B4GALNT4: variants seen among roughly 807,000 people sequenced by gnomAD.
B4GALNT4 encodes the protein N-acetyl-beta-glucosaminyl-glycoprotein 4-beta-N-acetylgalactosaminyltransferase 1.
B4GALNT4 carries 77 observed loss-of-function variants against 110.0 expected under a neutral mutation model. The ratio of observed to expected loss-of-function variants is 0.70; its 90% CI spans 0.58 to 0.85. B4GALNT4 has a LOEUF of 0.85. Among genes scored for constraint, B4GALNT4 ranks in the 40% least tolerant of loss-of-function variants. B4GALNT4 has a pLI of 0.00. For synonymous variants in B4GALNT4, 785 were observed against 655.5 expected (o/e 1.20, Z -3.02); for missense variants, 1,575 against 1,506.0 (o/e 1.05, Z -0.76).
intron 8 of B4GALNT4, 44 bp from the exon 9 acceptor site, chr11:375,417 C>T (rs201897176): frequency 1.9e-6 from 3 of 1,604,430 alleles, no homozygotes; most frequent in Admixed American, 3.3e-5. Flanking sequence ...TCCCTGGACC[C>T]AGCCACCGCC....
At position 369,968 on chromosome 11, in the gene B4GALNT4, G is replaced by T; in HGVS notation, c.151+14G>T. ...GCTACGGGCGAGGTACGGCGCGGGGGGCGCGGGGGGCGCGGGGGGCGGGGG... is the reference window on the plus strand; with the variant it reads ...GCTACGGGCGAGGTACGGCGCGGGGTGCGCGGGGGGCGCGGGGGGCGGGGG... On this transcript the variant is annotated intron_variant, in intron 1 of 19. Transcript: ENST00000329962. 5.0e-6 allele frequency: 3 copies of T among 597,312 alleles called. No individual in the cohort carries two copies. Among genetic ancestry groups the T allele is most frequent in the Non-Finnish European group, 6.2e-6 (3 of 486,936 alleles). The allele number at this position is 597,312 out of a possible 1,614,324, so 37.0% of individuals were successfully genotyped here. A position where few individuals can be genotyped will look rare whatever the true frequency, so the allele number is the denominator to read the frequency against.
In B4GALNT4 at chr11:375,975, C is replaced by T. The variant is rs761559491; in HGVS notation, c.1095+19C>T. ...GCAATTTGTGAGTGCGGCTGGAGAC[C>T]CCGTCTCCCGTCCGGGACTCCGCGG... On this transcript the variant is annotated intron_variant, in intron 11 of 19. Transcript: ENST00000329962. 6 of 1,607,386 alleles carry T rather than the reference C, an allele frequency of 3.7e-6. No individual in the cohort carries two copies. Among genetic ancestry groups the T allele is most frequent in the Non-Finnish European group, 4.2e-6 (5 of 1,176,838 alleles).
rs1291522819 is a variant in B4GALNT4 at position 376,583 on chromosome 11, C to T, written c.1460C>T (p.Thr487Ile). The change falls in exon 14 of 20, where the codon ACC (threonine) becomes ATC (isoleucine). Residue 487 changes from threonine to isoleucine, a missense_variant. Coordinates refer to ENST00000329962, the MANE Select transcript of B4GALNT4 (RefSeq NM_178537.5). ...CCTCCCCGCCCCCGGGACGGGGGGA[C>T]CCCCAGGCACTCCCGGGCCCTGAGC... ...PTPPRPRDGG[T>I]PRHSRALSWA... 1.5e-6 allele frequency: 2 copies of T among 1,355,108 alleles called. No individual in the cohort carries two copies. Among genetic ancestry groups the T allele is most frequent in the East Asian group, 3.3e-5 (1 of 30,506 alleles). 83.9% of individuals were successfully genotyped at this position (1,355,108 alleles called of 1,614,324 possible).
chr11:380,460 G>GT lies in B4GALNT4; in HGVS notation c.2869+16dup, dbSNP rs773771806. On this transcript the variant is annotated intron_variant, in intron 18 of 19. Coordinates refer to ENST00000329962, the MANE Select transcript of B4GALNT4 (RefSeq NM_178537.5). ...GGACCCCCACGGTGAGGCCCCGAGC[G>GT]TCCCACCCTGTGATACCAGGGTTCC... 2 of 1,571,982 alleles carry GT rather than the reference G, an allele frequency of 1.3e-6. No individual in the cohort carries two copies. The highest frequency in any genetic ancestry group is 3.7e-5 in the Admixed American group (2 of 54,290).
In B4GALNT4 at chr11:381,942, T is replaced by A; in HGVS notation, c.*150T>A. On this transcript the variant is annotated 3_prime_UTR_variant, in exon 20 of 20. Transcript: ENST00000329962. ...CCCCTCTCTGGCCCACTGGGCGTCGTGCCCCTCCCCGGAGAGGCAGCCTTC... is the reference window on the plus strand; with the variant it reads ...CCCCTCTCTGGCCCACTGGGCGTCGAGCCCCTCCCCGGAGAGGCAGCCTTC... The A allele has an allele frequency of 2.1e-6, 2 of 969,150 alleles. No individual in the cohort carries two copies. Among genetic ancestry groups the A allele is most frequent in the Non-Finnish European group, 2.8e-6 (2 of 713,770 alleles). 60.0% of individuals were successfully genotyped at this position (969,150 alleles called of 1,614,324 possible).
rs569833363 is a variant in B4GALNT4 at position 373,470 on chromosome 11, C to A, written c.658C>A (p.Pro220Thr). The A allele has an allele frequency of 6.2e-7, 1 of 1,605,238 alleles. No individual in the cohort carries two copies. Among genetic ancestry groups the A allele is most frequent in the South Asian group, 1.1e-5 (1 of 90,834 alleles). Reference sequence around the variant, plus strand: ...CCAGACTGGCTCCGAGTGGACAGCGCCTGGAGAATTCACCAAGTTCAGCTC... The same window carrying A: ...CCAGACTGGCTCCGAGTGGACAGCGACTGGAGAATTCACCAAGTTCAGCTC... ...VGKTGSEWTA[P>T]GEFTKFSSQV... The change falls in exon 7 of 20, where the codon CCT (proline) becomes ACT (threonine). Residue 220 changes from proline (P) to threonine (T), a missense_variant. By Grantham distance (38) the Pro-to-Thr change is conservative (BLOSUM62 -1). Transcript: ENST00000329962.
Position 373,109 on chromosome 11 carries a change from G to C in B4GALNT4, c.528G>C (p.Ala176=). 1 of 1,612,628 alleles carries C rather than the reference G, an allele frequency of 6.2e-7. No homozygotes were observed. Among genetic ancestry groups the C allele is most frequent in the Non-Finnish European group, 8.5e-7 (1 of 1,179,896 alleles). ...GLRIFGFIHP[A]RDGDVQFSVA... ...GTATTTTTGGTTTCATCCACCCGGC[G>C]AGGGACGGTACGGGGGTGAGGGTGC... is the stretch of plus-strand genomic sequence containing the variant. The change falls in exon 5 of 20, where the codon GCG becomes GCC. Residue 176 remains alanine, a synonymous_variant. Transcript: ENST00000329962.
chr11:381,884 TG>T lies in B4GALNT4; in HGVS notation c.*94del. ...TCGGTCCCGAGAGACCCGGCAGGGCTGGTCAGAGGGGCACAGCCACCGCCTG... is the reference window on the plus strand; with the variant it reads ...TCGGTCCCGAGAGACCCGGCAGGGCTGTCAGAGGGGCACAGCCACCGCCTG... On this transcript the variant is annotated 3_prime_UTR_variant, in exon 20 of 20. Transcript: ENST00000329962. 2.2e-6 allele frequency: 3 copies of T among 1,382,040 alleles called. No homozygotes were observed. Among genetic ancestry groups the T allele is most frequent in the Non-Finnish European group, 2.8e-6 (3 of 1,058,236 alleles). The allele number at this position is 1,382,040 out of a possible 1,614,324, so 85.6% of individuals were successfully genotyped here.
At chr11:373,546 A>G (rs1380003163) in intron 7 of B4GALNT4, 30 bp downstream of exon 7, 3 of 1,607,456 alleles carry the variant, frequency 1.9e-6, no homozygotes, top group East Asian at 2.2e-5. Context: ...ATGTGCGTGC[A>G]CTTGTGTATT....
intron 14 of B4GALNT4, among the ~76,000 whole-genome samples, chr11:379,072 A>G (rs961881331): frequency 1.3e-5 from 2 of 152,218 alleles, no homozygotes; most frequent in African/African-American, 2.4e-5. Context: ...ACCTTGTCCT[A>G]TGGGCGGTGG....
At chr11:373,589 C>T (rs1210775501) in intron 7 of B4GALNT4, 73 bp downstream of exon 7, 4 of 1,553,142 alleles carry the variant, frequency 2.6e-6, no homozygotes, top group Non-Finnish European at 3.5e-6. Context: ...TCTCCTTATC[C>T]TGTGCACACT....
intron 14 of B4GALNT4, among the ~76,000 whole-genome samples, chr11:377,650 C>A (rs1038680195): frequency 6.6e-6 from 1 of 152,244 alleles, no homozygotes; most frequent in Non-Finnish European, 1.5e-5. Context: ...CTGCAGAGAT[C>A]AGCGTCAGTC....
At chr11:380,248 G>T in intron 17 of B4GALNT4, 44 bp from the exon 18 acceptor site, 2 of 1,608,770 alleles carry the variant, frequency 1.2e-6, no homozygotes, top group Non-Finnish European at 8.5e-7. Flanking sequence ...GGGCGTGCCC[G>T]GGGAGGAGCG....
chr11:372,040 A>G (rs1329659108), intron 1 of B4GALNT4, 69 bp from the exon 2 acceptor site: 2 of 1,341,438 alleles, frequency 1.5e-6, no homozygotes, highest in Non-Finnish European at 2.1e-6. Flanking sequence ...GCCCAGCTGA[A>G]CCCAGCAGCA....
chr11:380,580 GC>G, intron 18 of B4GALNT4, 135 bp downstream of exon 18: 1 of 1,353,180 alleles, frequency 7.4e-7, no homozygotes, highest in Non-Finnish European at 1.0e-6. Flanking sequence ...AGTGCCCAGA[GC>G]CCCAGTCCCC....
intron 19 of B4GALNT4, 113 bp from the exon 20 acceptor site, chr11:381,556 T>C (rs1846876071): frequency 7.5e-6 from 2 of 267,992 alleles, no homozygotes; most frequent in Non-Finnish European, 1.3e-5. Flanking sequence ...TGACCACCTC[T>C]CCGCCCCCGG....
chr11:379,619 GCGCCCCGACGGC>G lies in B4GALNT4; in HGVS notation c.2415_2426del (p.Asp805_Pro808del), dbSNP rs760798887. 1 of 1,533,510 alleles carries G rather than the reference GCGCCCCGACGGC, an allele frequency of 6.5e-7. No individual in the cohort carries two copies. The highest frequency in any genetic ancestry group is 8.7e-7 in the Non-Finnish European group (1 of 1,143,976). The allele number at this position is 1,533,510 out of a possible 1,614,324, so 95.0% of individuals were successfully genotyped here. A position where few individuals can be genotyped will look rare whatever the true frequency, so the allele number is the denominator to read the frequency against. On this transcript the variant is annotated inframe_deletion, in exon 15 of 20. Coordinates refer to ENST00000329962, the MANE Select transcript of B4GALNT4 (RefSeq NM_178537.5). ...CCGAACCCGCTCCCGCCGCCTCCGTGCGCCCCGACGGCCGCCCCGAGCTCTGCCGGCCACTGC... is the reference window on the plus strand; with the variant it reads ...CCGAACCCGCTCCCGCCGCCTCCGTGCGCCCCGAGCTCTGCCGGCCACTGC...
intron 14 of B4GALNT4, among the ~76,000 whole-genome samples, chr11:378,610 G>A (rs1183384461): frequency 6.6e-6 from 1 of 152,206 alleles, no homozygotes; most frequent in Non-Finnish European, 1.5e-5. Flanking sequence ...CCAGTGAAAG[G>A]CACAGACTGC....
intron 18 of B4GALNT4, 97 bp from the exon 19 acceptor site, chr11:380,728 G>A (rs1232826290): frequency 8.2e-6 from 13 of 1,591,362 alleles, no homozygotes; most frequent in Admixed American, 1.7e-5. Context: ...ATGGGACCCG[G>A]CACCTGACCC....
Sources: allele counts gnomAD v4.1 joint callset (sites outside exome capture counted in the v4.1 genomes callset), GRCh38; gene constraint gnomAD v4.1.1; transcripts MANE v1.5; gene names NCBI Gene and HGNC (gene_info 2026-07-23, HGNC 2026-07-21).